The following KLHL4 variants were observed in gnomAD, a reference collection of about 807,000 sequenced individuals.
KLHL4 encodes kelch-like protein 4.
KLHL4 carries 17 observed loss-of-function variants against 45.8 expected under a neutral mutation model. The ratio of observed to expected loss-of-function variants is 0.37; its 90% CI spans 0.25 to 0.56. The LOEUF (loss-of-function observed/expected upper bound fraction) is 0.56, where lower values mean the gene tolerates loss of function less well. KLHL4 is among the 20% of genes least tolerant of loss of function. KLHL4 has a pLI of 0.79. For synonymous variants in KLHL4, 224 were observed against 189.9 expected, an observed-to-expected ratio of 1.18 and a Z score of -1.47; for missense variants, 544 against 544.9, an observed-to-expected ratio of 1.00 and a Z score of 0.02.
chrX:87,574,738 T>G (rs1421052589), intron 1 of KLHL4, among the ~76,000 whole-genome samples: 2 of 111,779 alleles, frequency 1.8e-5, no homozygotes, highest in Non-Finnish European at 3.8e-5. Flanking sequence ...GGTATGGAAG[T>G]ACTATACTGG....
At chrX:87,525,524 A>G (rs762613765) in intron 1 of KLHL4, among the ~76,000 whole-genome samples, 1 of 111,358 alleles carries the variant, frequency 9.0e-6, no homozygotes, top group Non-Finnish European at 1.9e-5. Flanking sequence ...ATTTTCAGCT[A>G]TGGTGTTTGT....
intron 1 of KLHL4, among the ~76,000 whole-genome samples, chrX:87,578,861 G>GT (rs1057037660): frequency 1.6e-4 from 18 of 112,118 alleles, no homozygotes; most frequent in African/African-American, 5.5e-4. Context: ...GGCTTACAAT[G>GT]TAACACAGCT....
intron 1 of KLHL4, among the ~76,000 whole-genome samples, chrX:87,600,341 G>A (rs1484648277): frequency 2.7e-5 from 3 of 110,768 alleles, no homozygotes; most frequent in Non-Finnish European, 3.8e-5. Context: ...AAAATTAGCC[G>A]GGCGTGGTGG....
chrX:87,617,954 T>C lies in KLHL4; in HGVS notation c.750T>C (p.Asp250=). 1 of 1,210,061 alleles carries C rather than the reference T, an allele frequency of 8.3e-7. No individual in the cohort carries two copies. The highest frequency in any genetic ancestry group is 1.1e-6 in the Non-Finnish European group (1 of 894,198). Residue 250 remains aspartate (D), a synonymous_variant, in exon 4 of 11, where the codon GAT becomes GAC. Transcript: ENST00000373119. ...TAGGAGTCCTGCAATTGAAAGAAGA[T>C]ACCATTGAAAGTTTGCTGGCTGCAG... ...AYTGVLQLKE[D]TIESLLAAAC... is the part of the protein sequence containing the mutation.
chrX:87,555,515 T>C (rs1931950589), intron 1 of KLHL4, among the ~76,000 whole-genome samples: 1 of 109,614 alleles, frequency 9.1e-6, no homozygotes, highest in Admixed American at 9.8e-5. Context: ...TAGAGGTGTT[T>C]GTAGTATTCT....
At chrX:87,619,746 G>A (rs1922684553) in intron 4 of KLHL4, among the ~76,000 whole-genome samples, 2 of 108,712 alleles carry the variant, frequency 1.8e-5, no homozygotes, top group Non-Finnish European at 3.8e-5. Flanking sequence ...CCAAAACGGA[G>A]TGTTGAAGCA....
At chrX:87,565,568 A>G (rs1463021427) in intron 1 of KLHL4, among the ~76,000 whole-genome samples, 1 of 109,537 alleles carries the variant, frequency 9.1e-6, no homozygotes, top group Non-Finnish European at 1.9e-5. Context: ...TCTCTTAAAA[A>G]TACAAAAGGT....
chrX:87,635,592 G>T lies in KLHL4; in HGVS notation c.1742G>T (p.Ser581Ile). ...KLYAIGGRDG[S>I]SCLKSMEYFD... ...TATGCTATTGGTGGACGTGATGGAA[G>T]TTCCTGCCTCAAATCAATGGAATAC... The change falls in exon 9 of 11, where the codon AGT becomes ATT. Residue 581 changes from serine (S) to isoleucine (I), a missense_variant. Ser to Ile is a moderately radical substitution (Grantham distance 142). Transcript: ENST00000373119. 2.5e-6 allele frequency: 3 copies of T among 1,210,495 alleles called. No individual in the cohort carries two copies. The highest frequency in any genetic ancestry group is 2.2e-6 in the Non-Finnish European group (2 of 894,525).
At chrX:87,582,292 A>G in intron 1 of KLHL4, among the ~76,000 whole-genome samples, 1 of 96,444 alleles carries the variant, frequency 1.0e-5, no homozygotes. Context: ...CACCTAAGAG[A>G]TAGAAAAAAA....
chrX:87,583,665 A>G (rs950611156), intron 1 of KLHL4, among the ~76,000 whole-genome samples: 24 of 111,660 alleles, frequency 2.1e-4, no homozygotes, highest in Admixed American at 7.6e-4. Context: ...CTAAATAACC[A>G]GAAGCAATAC....
At chrX:87,608,392 T>C (rs1035851836) in intron 1 of KLHL4, among the ~76,000 whole-genome samples, 1 of 111,696 alleles carries the variant, frequency 9.0e-6, no homozygotes, top group African/African-American at 3.3e-5. Flanking sequence ...ACCATTCTCT[T>C]CCTTTCACTA....
intron 9 of KLHL4, among the ~76,000 whole-genome samples, chrX:87,662,704 C>T (rs1445262235): frequency 1.8e-5 from 2 of 110,217 alleles, no homozygotes; most frequent in East Asian, 2.9e-4. Flanking sequence ...CTGAGGCGGG[C>T]GGATCACGAG....
chrX:87,655,896 C>A (rs1923976218), intron 9 of KLHL4, among the ~76,000 whole-genome samples: 2 of 111,734 alleles, frequency 1.8e-5, no homozygotes, highest in African/African-American at 6.5e-5. Context: ...GACAGATTTT[C>A]TCAGTGTTTG....
At chrX:87,584,660 C>A (rs1921398812) in intron 1 of KLHL4, among the ~76,000 whole-genome samples, 2 of 109,827 alleles carry the variant, frequency 1.8e-5, no homozygotes, top group African/African-American at 6.6e-5. Flanking sequence ...TGAAAATACA[C>A]AGTCAGAAAA....
Position 87,518,022 on chromosome X carries a change from T to C in KLHL4, c.129T>C (p.His43=), listed in dbSNP as rs1311098616. Residue 43 remains histidine (H), a synonymous_variant, in exon 1 of 11, where the codon CAT becomes CAC. Transcript: ENST00000373119. The part of the protein sequence containing the change: ...GSCLQQEGYE[H]RGTPVQGRLK... ...GTCTTCAGCAGGAAGGATATGAGCATAGAGGGACCCCGGTTCAGGGCAGGT... is the reference window on the plus strand; with the variant it reads ...GTCTTCAGCAGGAAGGATATGAGCACAGAGGGACCCCGGTTCAGGGCAGGT... 5.8e-6 allele frequency: 7 copies of C among 1,209,181 alleles called. No homozygotes were observed. The Admixed American group carries it at 6.6e-5, about 11-fold the overall frequency.
At chrX:87,597,995 A>G (rs1277007772) in intron 1 of KLHL4, among the ~76,000 whole-genome samples, 1 of 109,590 alleles carries the variant, frequency 9.1e-6, no homozygotes, top group Admixed American at 9.8e-5. Context: ...TTTTTAATTC[A>G]AATTTGTTCT....
At chrX:87,579,858 T>C (rs1921217440) in intron 1 of KLHL4, among the ~76,000 whole-genome samples, 1 of 112,208 alleles carries the variant, frequency 8.9e-6, no homozygotes, top group African/African-American at 3.2e-5. Flanking sequence ...CAATGTAGGA[T>C]GCTGAACATT....
At chrX:87,590,871 A>G (rs994642163) in intron 1 of KLHL4, among the ~76,000 whole-genome samples, 1 of 111,918 alleles carries the variant, frequency 8.9e-6, no homozygotes, top group Non-Finnish European at 1.9e-5. Flanking sequence ...TATATACACC[A>G]TATTTTCTTC....
At position 87,669,270 on chromosome X, in the gene KLHL4, C is replaced by A; in HGVS notation, c.*2736C>A. The A allele has an allele frequency of 8.4e-7, 1 of 1,195,507 alleles. No individual in the cohort carries two copies. The stretch of plus-strand genomic sequence containing the variant: ...GTTCACGATTCCCTACTCTGCAACT[C>A]TCAGCATGCATCATGATGATTCTCT... On this transcript the variant is annotated 3_prime_UTR_variant, in exon 11 of 11. Transcript: ENST00000373119.
Sources: allele counts gnomAD v4.1 joint callset (sites outside exome capture counted in the v4.1 genomes callset), GRCh38; gene constraint gnomAD v4.1.1; transcripts MANE v1.5; gene names NCBI Gene and HGNC (gene_info 2026-07-23, HGNC 2026-07-21).